The following CSMD2 variants were observed in gnomAD, a reference collection of about 807,000 sequenced individuals.
The protein encoded by CSMD2 is CUB and Sushi multiple domains 2.
In CSMD2, 130 loss-of-function variants were observed where a neutral mutation model predicts 398.5. That is an observed-to-expected ratio of 0.33 (90% confidence interval 0.28 to 0.38). CSMD2 has a LOEUF of 0.38. Ranked by LOEUF, CSMD2 falls within the 10% of genes least tolerant of loss-of-function variation. The pLI is 1.00. For missense variants in CSMD2, 3,829 were observed against 4,764.9 expected, an observed-to-expected ratio of 0.80 and a Z score of 5.78; for synonymous variants, 1,828 against 1,908.5, an observed-to-expected ratio of 0.96 and a Z score of 1.10.
chr1:33,841,752 T>C (rs1434677083), intron 6 of CSMD2, among the ~76,000 whole-genome samples: 1 of 152,152 alleles, frequency 6.6e-6, no homozygotes, highest in East Asian at 1.9e-4. Context: ...ATAAAATACT[T>C]CAAAGAGAAA....
At chr1:34,140,397 G>A (rs1406728077) in intron 1 of CSMD2, among the ~76,000 whole-genome samples, 1 of 151,930 alleles carries the variant, frequency 6.6e-6, no homozygotes, top group Non-Finnish European at 1.5e-5. Context: ...GGCTCTCCGA[G>A]CAAAGGCACC....
intron 5 of CSMD2, chr1:33,868,838 G>A (rs542352755): frequency 6.6e-6 from 1 of 152,306 alleles, no homozygotes; most frequent in Admixed American, 6.5e-5. Flanking sequence ...TGAGATAAAT[G>A]ATGATAGATA....
rs768173398 is a variant in CSMD2, at chr1:33,583,667, T to C, written c.7215A>G (p.Gln2405=). 4 of 1,614,094 alleles carry C rather than the reference T, an allele frequency of 2.5e-6. No individual in the cohort carries two copies. The South Asian group carries it at 3.3e-5, about 13-fold the overall frequency. The change falls in exon 47 of 71, where the codon CAA becomes CAG. Residue 2405 remains glutamine, a synonymous_variant. Transcript: ENST00000373381. ...LTVEYFLSEK[Q]YDEFEIFDGP... is the part of the protein sequence containing the mutation. ...CATCAAAAATCTCAAACTCATCATA[T>C]TGCTTCTCGCTGAGGAAGTACTCCA... is the stretch of plus-strand genomic sequence containing the variant.
At chr1:33,642,032 G>T (rs1350278430) in intron 29 of CSMD2, among the ~76,000 whole-genome samples, 1 of 152,108 alleles carries the variant, frequency 6.6e-6, no homozygotes, top group East Asian at 1.9e-4. Context: ...TCTGAAACTG[G>T]AATCTAAACT....
chr1:33,750,689 T>C (rs923397636), intron 13 of CSMD2, among the ~76,000 whole-genome samples: 2 of 152,098 alleles, frequency 1.3e-5, no homozygotes, highest in African/African-American at 4.8e-5. Flanking sequence ...GAACCAAAAA[T>C]ATATGATAAA....
At chr1:34,081,978 T>C (rs1657218271) in intron 2 of CSMD2, among the ~76,000 whole-genome samples, 1 of 143,020 alleles carries the variant, frequency 7.0e-6, no homozygotes, top group African/African-American at 2.6e-5. Flanking sequence ...TGGCCGCCCA[T>C]CGTCTGGGAT....
intron 3 of CSMD2, among the ~76,000 whole-genome samples, chr1:34,001,568 AC>A (rs1472616117): frequency 6.6e-6 from 1 of 152,244 alleles, no homozygotes; most frequent in African/African-American, 2.4e-5. Context: ...GTGGACATTC[AC>A]GAGCATGAAT....
At chr1:33,758,168 T>C (rs1649310202) in intron 13 of CSMD2, among the ~76,000 whole-genome samples, 1 of 152,220 alleles carries the variant, frequency 6.6e-6, no homozygotes, top group South Asian at 2.1e-4. Context: ...CCAGTCAGAT[T>C]AAACTACTTG....
At chr1:33,703,420 T>C (rs1645675074) in intron 22 of CSMD2, among the ~76,000 whole-genome samples, 1 of 152,202 alleles carries the variant, frequency 6.6e-6, no homozygotes, top group African/African-American at 2.4e-5. Flanking sequence ...TTGATTGCTA[T>C]TGGGAATTGG....
At chr1:33,768,591 A>G (rs1375406353) in intron 13 of CSMD2, among the ~76,000 whole-genome samples, 1 of 150,420 alleles carries the variant, frequency 6.6e-6, no homozygotes, top group African/African-American at 2.4e-5. Context: ...ACCAGAACAG[A>G]AGGTGGGATA....
At chr1:33,759,387 G>A (rs921718926) in intron 13 of CSMD2, among the ~76,000 whole-genome samples, 8 of 142,288 alleles carry the variant, frequency 5.6e-5, no homozygotes, top group Admixed American at 1.5e-4. Context: ...GTGCAGTGGC[G>A]CAATCTCTGC....
intron 13 of CSMD2, among the ~76,000 whole-genome samples, chr1:33,765,865 A>C (rs988207675): frequency 4.6e-5 from 7 of 152,264 alleles, no homozygotes; most frequent in African/African-American, 1.7e-4. Context: ...CAGTACCAGT[A>C]GTCACTATAC....
rs1653945167 is a variant in CSMD2 at position 33,518,344 on chromosome 1, T to C, written c.*53+1121A>G. On this transcript the variant is annotated intron_variant, in intron 70 of 70. Transcript: ENST00000373381. The surrounding 1 kb of genome is among the most constrained non-coding windows in gnomAD (Gnocchi z 4.3). ...AGTGCCTTTTAGATTCATCAGTTCC[T>C]TCCCAGTGGGCCTGTCAGATGCATG... Among the ~76,000 whole-genome samples the C allele has an allele frequency of 6.6e-6, 1 of 152,170 alleles. No homozygotes were observed.
chr1:33,883,686 CA>C (rs1229610516), intron 5 of CSMD2, among the ~76,000 whole-genome samples: 35 of 152,192 alleles, frequency 2.3e-4, no homozygotes, highest in Admixed American at 3.9e-4. Flanking sequence ...GGGAACTCTC[CA>C]AGCCTTCTCA....
At chr1:33,780,171 C>T (rs1326419173) in intron 12 of CSMD2, among the ~76,000 whole-genome samples, 1 of 152,150 alleles carries the variant, frequency 6.6e-6, no homozygotes, top group Non-Finnish European at 1.5e-5. Context: ...ATCTCCAGAA[C>T]CAAGCCCAGT....
At chr1:33,741,239 G>C (rs914371272) in intron 14 of CSMD2, among the ~76,000 whole-genome samples, 6 of 152,050 alleles carry the variant, frequency 3.9e-5, no homozygotes, top group African/African-American at 1.4e-4. Flanking sequence ...GCTAGCTATG[G>C]AGAGAGCTGT....
At chr1:33,980,619 T>C (rs1646132030) in intron 3 of CSMD2, among the ~76,000 whole-genome samples, 1 of 152,188 alleles carries the variant, frequency 6.6e-6, no homozygotes, top group African/African-American at 2.4e-5. Context: ...TTGCTCCAGT[T>C]CCTCCATTCA....
Position 34,008,065 on chromosome 1 carries a change from C to T in CSMD2, c.517+24529G>A, listed in dbSNP as rs768430339. ...ACAAATAATTATGCTTTATGGAGTG[C>T]GCAAAACCAAATCAGAATTCTGAAA... On this transcript the variant is annotated intron_variant, in intron 3 of 70. Transcript: ENST00000373381. Among the ~76,000 whole-genome samples the T allele has an allele frequency of 7.2e-5, 11 of 152,250 alleles. No individual in the cohort carries two copies. The East Asian group carries it at 9.7e-4, about 13-fold the overall frequency.
chr1:33,735,686 T>G (rs77556301), intron 15 of CSMD2, among the ~76,000 whole-genome samples: 2 of 152,312 alleles, frequency 1.3e-5, no homozygotes, highest in African/African-American at 4.8e-5. Context: ...TCTTTCTAAA[T>G]TTAGGAGAAG....
Sources: gnomAD v4.1 joint callset for allele counts (sites outside exome capture counted in the v4.1 genomes callset) on GRCh38, gnomAD v4.1.1 for gene constraint, Gnocchi (gnomAD v3.1) non-coding constraint, MANE v1.5 for transcripts, NCBI Gene and HGNC (gene_info 2026-07-23, HGNC 2026-07-21) for gene names.